KIAA1217: variants seen among roughly 807,000 people sequenced by gnomAD.
The protein encoded by KIAA1217 is KIAA1217, also known as sickle tail protein homolog.
KIAA1217 carries 88 observed loss-of-function variants against 163.9 expected under a neutral mutation model. The ratio of observed to expected loss-of-function variants is 0.54; its 90% CI spans 0.45 to 0.64. KIAA1217 has a LOEUF of 0.64. Among genes scored for constraint, KIAA1217 ranks in the 30% least tolerant of loss-of-function variants. KIAA1217 has a pLI of 0.00. For missense variants in KIAA1217, 2,372 were observed against 2,475.0 expected (o/e 0.96, Z 0.88); for synonymous variants, 903 against 923.1 (o/e 0.98, Z 0.39).
At chr10:24,208,893 G>T, upstream of KIAA1217, 2 of 311,052 alleles carry the variant, frequency 6.4e-6, no homozygotes, top group Non-Finnish European at 6.0e-6. Flanking sequence ...GCATCGCCCT[G>T]CCCTGGCAGA....
At chr10:24,494,728 C>G (rs760484734) in intron 7 of KIAA1217, 124 bp downstream of exon 7, 34 of 739,154 alleles carry the variant, frequency 4.6e-5, no homozygotes, top group Non-Finnish European at 6.3e-5. Flanking sequence ...ATTCACATCT[C>G]TATGGATCAT....
chr10:23,961,009 T>G (rs1589146677), intron 1 of KIAA1217, among the ~76,000 whole-genome samples: 1 of 152,206 alleles, frequency 6.6e-6, no homozygotes, highest in East Asian at 1.9e-4. Flanking sequence ...ATTATAAAAT[T>G]TTTATAAAGC....
At chr10:24,316,475 GCATTCTGAATGCCCCTGA>G (rs1271896204) in intron 2 of KIAA1217, among the ~76,000 whole-genome samples, 1 of 152,144 alleles carries the variant, frequency 6.6e-6, no homozygotes, top group Non-Finnish European at 1.5e-5. Flanking sequence ...TAAGTTGTTG[GCATTCTGAATGCCCCTGA>G]ACCTATTTTG....
At chr10:24,270,306 T>C (rs2076649480) in intron 2 of KIAA1217, among the ~76,000 whole-genome samples, 1 of 152,210 alleles carries the variant, frequency 6.6e-6, no homozygotes, top group South Asian at 2.1e-4. Context: ...TCATATGAGC[T>C]TGGTCATAGG....
chr10:24,218,319 G>C (rs1400537598), intron 1 of KIAA1217, among the ~76,000 whole-genome samples: 2 of 152,062 alleles, frequency 1.3e-5, no homozygotes, highest in Non-Finnish European at 2.9e-5. Context: ...TGGTTGATCT[G>C]TTCTTAGCAG....
chr10:24,087,208 T>C (rs2061728561), intron 2 of KIAA1217, among the ~76,000 whole-genome samples: 1 of 152,222 alleles, frequency 6.6e-6, no homozygotes, highest in East Asian at 1.9e-4. Flanking sequence ...GAAAGATTCA[T>C]GTTAACTAGG....
chr10:23,808,956 TAGA>T, intron 1 of KIAA1217, among the ~76,000 whole-genome samples: 1 of 152,110 alleles, frequency 6.6e-6, no homozygotes, highest in Non-Finnish European at 1.5e-5. Context: ...GAAGGGATGT[TAGA>T]TAATACACTT....
At chr10:24,009,418 G>A (rs1342669417) in intron 2 of KIAA1217, among the ~76,000 whole-genome samples, 2 of 151,946 alleles carry the variant, frequency 1.3e-5, no homozygotes, top group South Asian at 2.1e-4. Context: ...TAATGTATTT[G>A]AAAAACAGGC....
At chr10:23,835,330 T>C (rs1165774490) in intron 1 of KIAA1217, among the ~76,000 whole-genome samples, 1 of 152,038 alleles carries the variant, frequency 6.6e-6, no homozygotes, top group East Asian at 1.9e-4. Flanking sequence ...AAATGTAAAG[T>C]GAAACTCATT....
chr10:24,326,550 A>G (rs2044926142), intron 2 of KIAA1217, among the ~76,000 whole-genome samples: 1 of 152,230 alleles, frequency 6.6e-6, no homozygotes, highest in Admixed American at 6.5e-5. Flanking sequence ...TTGAATCTAA[A>G]GGTGTGAAAG....
At chr10:24,210,995 T>C (rs2366907) in intron 1 of KIAA1217, among the ~76,000 whole-genome samples, 88,435 of 151,392 alleles carry the variant, frequency 0.58, 26,110 homozygotes, top group East Asian at 0.7. Flanking sequence ...TATACTTATG[T>C]TAAAAATACT....
chr10:24,208,521 A>G (rs1412242792), upstream of KIAA1217, among the ~76,000 whole-genome samples: 6 of 152,112 alleles, frequency 3.9e-5, no homozygotes, highest in Admixed American at 3.9e-4. Context: ...ATACCTCTTC[A>G]TAGATGTTAA....
chr10:23,750,362 C>T (rs1839668307), intron 1 of KIAA1217, among the ~76,000 whole-genome samples: 1 of 152,186 alleles, frequency 6.6e-6, no homozygotes, highest in African/African-American at 2.4e-5. Context: ...CTACTGAATC[C>T]TAATAGTCCA....
At chr10:24,439,451 C>T (rs762556357) in intron 5 of KIAA1217, among the ~76,000 whole-genome samples, 9 of 152,122 alleles carry the variant, frequency 5.9e-5, no homozygotes, top group Non-Finnish European at 1.2e-4. Flanking sequence ...TGTTCCTGAG[C>T]GAGGCTGTCT....
intron 1 of KIAA1217, among the ~76,000 whole-genome samples, chr10:23,942,936 T>A (rs1843842668): frequency 5.4e-5 from 8 of 147,274 alleles, no homozygotes; most frequent in East Asian, 3.9e-4. Context: ...AGTGATATCC[T>A]GTCTGTACCA....
intron 2 of KIAA1217, among the ~76,000 whole-genome samples, chr10:24,129,776 T>C (rs1300849210): frequency 6.6e-6 from 1 of 152,188 alleles, no homozygotes; most frequent in Non-Finnish European, 1.5e-5. Context: ...TCCTGTCCAG[T>C]GGACCATCCA....
At chr10:24,055,221 G>A (rs559055803) in intron 2 of KIAA1217, among the ~76,000 whole-genome samples, 1 of 152,092 alleles carries the variant, frequency 6.6e-6, no homozygotes, top group African/African-American at 2.4e-5. Flanking sequence ...CAGCTGAGAG[G>A]GTGCCACTGC....
chr10:23,816,897 G>C (rs1195808043), intron 1 of KIAA1217, among the ~76,000 whole-genome samples: 1 of 152,164 alleles, frequency 6.6e-6, no homozygotes, highest in Non-Finnish European at 1.5e-5. Context: ...TGGGAAACAA[G>C]CAAGGCAAAG....
In KIAA1217 at chr10:24,543,439, C is replaced by G. The variant is rs1245094989; in HGVS notation, c.4169C>G (p.Thr1390Ser). The G allele has an allele frequency of 1.2e-6, 2 of 1,614,124 alleles. No individual in the cohort carries two copies. Among genetic ancestry groups the G allele is most frequent in the Non-Finnish European group, 1.7e-6 (2 of 1,180,026 alleles). Residue 1390 changes from threonine (T) to serine (S), a missense_variant, in exon 19 of 21, where the codon ACC (threonine) becomes AGC (serine). Around this residue, in one of 3 missense-constraint regions of KIAA1217, gnomAD observed 251 missense variants for 327.3 expected, o/e 0.77. Transcript: ENST00000376454. Reference protein sequence around the residue: ...TDNIAFMITETTVQVLSSGEV... With the variant: ...TDNIAFMITESTVQVLSSGEV... ...AATATTGCCTTCATGATTACCGAAA[C>G]CACTGTCCAGGTTCTTTCCAGTGGG... is the stretch of plus-strand genomic sequence containing the variant.
Sources: allele counts gnomAD v4.1 joint callset (sites outside exome capture counted in the v4.1 genomes callset), GRCh38; gene constraint gnomAD v4.1.1; regional missense constraint gnomAD v4.1.1; transcripts MANE v1.5; gene names NCBI Gene and HGNC (gene_info 2026-07-23, HGNC 2026-07-21).